Variants in DOP1B observed in about 807,000 individuals in gnomAD.
DOP1B encodes DOP1 leucine zipper like protein B, also known as protein DOP1B.
In DOP1B, 174 loss-of-function variants were observed where a neutral mutation model predicts 233.5. The ratio of observed to expected loss-of-function variants is 0.75; its 90% confidence interval spans 0.66 to 0.85. The LOEUF is 0.85. DOP1B is among the 40% of genes least tolerant of loss of function. The pLI is 0.00. For missense variants in DOP1B, 2,652 were observed against 2,846.6 expected, an observed-to-expected ratio of 0.93 and a Z score of 1.56; for synonymous variants, 1,190 against 1,185.6, an observed-to-expected ratio of 1.00 and a Z score of -0.08.
At chr21:36,218,447 C>T (rs1044687319) in intron 9 of DOP1B, among the ~76,000 whole-genome samples, 2 of 151,986 alleles carry the variant, frequency 1.3e-5, no homozygotes, top group African/African-American at 2.4e-5. Flanking sequence ...TGCTTGAACC[C>T]GGGAGGCGGA....
In DOP1B at chr21:36,225,630, G is replaced by C. The variant is rs1002566945; in HGVS notation, c.1436G>C (p.Cys479Ser). Residue 479 changes from cysteine to serine, a missense_variant, in exon 12 of 37, where the codon TGC becomes TCC. By Grantham distance (112) the Cys-to-Ser change is moderately radical. Around this residue, in one of 3 missense-constraint regions of DOP1B, gnomAD observed 2,617 missense variants for 2,794.3 expected, o/e 0.94. Transcript: ENST00000691173. ...VSPPPTVSEL[C>S]ALLVFLLDVI... ...CCTCCCCCCACGGTCTCGGAGCTCTGCGCCCTCCTGGTCTTCCTGCTGGAT... is the reference window on the plus strand; with the variant it reads ...CCTCCCCCCACGGTCTCGGAGCTCTCCGCCCTCCTGGTCTTCCTGCTGGAT... 1.2e-6 allele frequency: 2 copies of C among 1,614,086 alleles called. No individual in the cohort carries two copies. The highest frequency in any genetic ancestry group is 2.7e-5 in the African/African-American group (2 of 74,912).
intron 2 of DOP1B, among the ~76,000 whole-genome samples, chr21:36,165,526 C>T (rs902038834): frequency 6.6e-6 from 1 of 152,032 alleles, no homozygotes; most frequent in East Asian, 1.9e-4. Context: ...ACCCCCAGGC[C>T]GCTGACCGGT....
Position 36,200,569 on chromosome 21 carries a change from C to T in DOP1B, c.491+68C>T. ...TATAAGACGCGGGGAGGGGGCCGGG[C>T]GCAGTGGCTCACGCCTGTAATCCCA... On this transcript the variant is annotated intron_variant, in intron 4 of 36. Transcript: ENST00000691173. 5.3e-6 allele frequency: 8 copies of T among 1,508,842 alleles called. No individual in the cohort carries two copies. The Admixed American group carries it at 8.7e-5, about 16-fold the overall frequency. The allele number at this position is 1,508,842 out of a possible 1,614,324, so 93.5% of individuals were successfully genotyped here. A position where few individuals can be genotyped will look rare whatever the true frequency, so the allele number is the denominator to read the frequency against.
At position 36,209,352 on chromosome 21, in the gene DOP1B, C is replaced by T. The variant is rs1044261433; in HGVS notation, c.681+448C>T. On this transcript the variant is annotated intron_variant, in intron 5 of 36. Transcript: ENST00000691173. ...GGCCAGGATGGTCTCGAACTGCCTG[C>T]CTGGCGGGTGATCCACCCACCGCGG... 2.0e-5 allele frequency among the ~76,000 whole-genome samples: 3 copies of T among 152,300 alleles called. No individual in the cohort carries two copies. The South Asian group carries it at 6.2e-4, about 32-fold the overall frequency.
chr21:36,169,578 G>A, intron 2 of DOP1B: 2 of 1,063,404 alleles, frequency 1.9e-6, no homozygotes, highest in Non-Finnish European at 2.9e-6. Context: ...ACCTGCTGCT[G>A]TAGCCCCTCC....
At chr21:36,268,362 A>G (rs1008136992) in intron 26 of DOP1B, among the ~76,000 whole-genome samples, 4 of 152,078 alleles carry the variant, frequency 2.6e-5, no homozygotes, top group African/African-American at 9.7e-5. Context: ...TTTTTTCCCA[A>G]CCCCACAGGC....
chr21:36,182,273 C>A (rs1246839604), intron 2 of DOP1B, among the ~76,000 whole-genome samples: 4 of 152,108 alleles, frequency 2.6e-5, no homozygotes, highest in Non-Finnish European at 5.9e-5. Flanking sequence ...TTCTTTCTTG[C>A]CAATAGAGAA....
At chr21:36,166,369 G>A (rs1357601104) in intron 2 of DOP1B, among the ~76,000 whole-genome samples, 3 of 151,852 alleles carry the variant, frequency 2.0e-5, no homozygotes, top group Non-Finnish European at 4.4e-5. Flanking sequence ...CCAGGGAGGC[G>A]GAGCTTGCAG....
chr21:36,189,895 A>C (rs770028462), intron 2 of DOP1B, among the ~76,000 whole-genome samples: 5 of 151,274 alleles, frequency 3.3e-5, no homozygotes, highest in Non-Finnish European at 7.4e-5. Flanking sequence ...CTGTAGTCCC[A>C]GCTACCTGGG....
chr21:36,189,709 C>CA lies in DOP1B; in HGVS notation c.139-9352dup, dbSNP rs556052033. Reference sequence around the variant, plus strand: ...TGGGTGACAGAGCGAGACTCTGTCTCAAAAAAAAATGGGATTTTGGGTTAG... The same window carrying CA: ...TGGGTGACAGAGCGAGACTCTGTCTCAAAAAAAAAATGGGATTTTGGGTTAG... On this transcript the variant is annotated intron_variant, in intron 2 of 36. Transcript: ENST00000691173. Among the ~76,000 whole-genome samples, 261 of 148,520 alleles carry CA rather than the reference C, an allele frequency of 1.8e-3. 3 individuals are homozygous for CA. Among genetic ancestry groups the CA allele is most frequent in the African/African-American group, 6.0e-3 (243 of 40,372 alleles).
intron 27 of DOP1B, among the ~76,000 whole-genome samples, chr21:36,274,617 G>A (rs559839864): frequency 6.6e-6 from 1 of 152,178 alleles, no homozygotes; most frequent in South Asian, 2.1e-4. Flanking sequence ...ACACACGGTG[G>A]AGGGCCGCTG....
intron 1 of DOP1B, among the ~76,000 whole-genome samples, chr21:36,158,740 T>G (rs565060378): frequency 6.7e-6 from 1 of 148,272 alleles, no homozygotes; most frequent in East Asian, 2.0e-4. Flanking sequence ...GAGGCGCAGG[T>G]TGCAGTGAGC....
chr21:36,273,863 CAGG>C (rs1211951821), intron 27 of DOP1B, among the ~76,000 whole-genome samples: 1 of 152,014 alleles, frequency 6.6e-6, no homozygotes, highest in Non-Finnish European at 1.5e-5. Flanking sequence ...ATCACGAGGT[CAGG>C]AGATCGAGAC....
chr21:36,294,038 C>A lies in DOP1B; in HGVS notation c.*467C>A, dbSNP rs887578184. On this transcript the variant is annotated 3_prime_UTR_variant, in exon 37 of 37. Coordinates refer to ENST00000691173, the MANE Select transcript of DOP1B (RefSeq NM_001320714.2). ...CTGTTCAGCAACAGGACACACCTCCCTAAATGCCTTGTAATATATTTGAAT... is the reference window on the plus strand; with the variant it reads ...CTGTTCAGCAACAGGACACACCTCCATAAATGCCTTGTAATATATTTGAAT... 6.4e-6 allele frequency: 1 copy of A among 156,200 alleles called. No homozygotes were observed. Among genetic ancestry groups the A allele is most frequent in the Middle Eastern group, 3.4e-3 (1 of 292 alleles). The allele number at this position is 156,200 out of a possible 1,614,324, so 9.7% of individuals were successfully genotyped here.
At chr21:36,247,477 T>G in intron 19 of DOP1B, 40 bp from the exon 20 acceptor site, 4 of 1,485,114 alleles carry the variant, frequency 2.7e-6, no homozygotes, top group Non-Finnish European at 3.7e-6. Context: ...GCCTCATTCT[T>G]TAAAAATTCT....
intron 4 of DOP1B, among the ~76,000 whole-genome samples, chr21:36,200,853 A>T (rs1457110019): frequency 6.6e-6 from 1 of 150,844 alleles, no homozygotes; most frequent in Non-Finnish European, 1.5e-5. Flanking sequence ...AAAAAAAAAA[A>T]GACACGGGGA....
At chr21:36,217,200 G>A (rs2066569977) in intron 9 of DOP1B, among the ~76,000 whole-genome samples, 1 of 152,202 alleles carries the variant, frequency 6.6e-6, no homozygotes, top group Admixed American at 6.5e-5. Flanking sequence ...CAGGGATGGT[G>A]CCAGCTCTAG....
rs199914085 is a variant in DOP1B at position 36,207,164 on chromosome 21, G to GT, written c.492-1539dup. On this transcript the variant is annotated intron_variant, in intron 4 of 36. Transcript: ENST00000691173. ...CATTAGGTCTGTTCTTCTGGGTTGAGTTTTTTTTTTTTCTTTTTTTCTTTT... is the reference window on the plus strand; with the variant it reads ...CATTAGGTCTGTTCTTCTGGGTTGAGTTTTTTTTTTTTTCTTTTTTTCTTTT... 1.4e-3 allele frequency among the ~76,000 whole-genome samples: 206 copies of GT among 143,132 alleles called. 1 individual carries two copies. Among genetic ancestry groups the GT allele is most frequent in the Middle Eastern group, 0.011 (3 of 276 alleles). The allele number at this position is 143,132 out of a possible 152,430, so 93.9% of individuals were successfully genotyped here.
At chr21:36,231,763 C>T (rs539738995) in intron 14 of DOP1B, among the ~76,000 whole-genome samples, 8 of 151,168 alleles carry the variant, frequency 5.3e-5, no homozygotes, top group Non-Finnish European at 1.0e-4. Flanking sequence ...CTGCAACCTC[C>T]GCCTCCTGGG....
Sources: gnomAD v4.1 joint callset for allele counts (sites outside exome capture counted in the v4.1 genomes callset) on GRCh38, gnomAD v4.1.1 for gene constraint, gnomAD v4.1.1 regional missense constraint, MANE v1.5 for transcripts, NCBI Gene and HGNC (gene_info 2026-07-23, HGNC 2026-07-21) for gene names.